The following L3MBTL4 variants were observed in gnomAD, a reference collection of about 807,000 sequenced individuals.
L3MBTL4 encodes the protein L3MBTL histone methyl-lysine binding protein 4, also known as lethal(3)malignant brain tumor-like protein 4.
A neutral mutation model predicts 84.5 loss-of-function variants in L3MBTL4; 70 were observed. The observed-to-expected ratio is 0.83, with a 90% CI of 0.68 to 1.01. L3MBTL4 has a LOEUF of 1.01. Among genes scored for constraint, L3MBTL4 ranks in the 50% least tolerant of loss-of-function variants. L3MBTL4 has a pLI of 0.00. For synonymous variants in L3MBTL4, 274 were observed against 259.8 expected (o/e 1.05, Z -0.52); for missense variants, 715 against 754.8 (o/e 0.95, Z 0.62).
chr18:6,340,585 G>T (rs954299161), intron 1 of L3MBTL4, among the ~76,000 whole-genome samples: 1 of 152,114 alleles, frequency 6.6e-6, no homozygotes, highest in African/African-American at 2.4e-5. Flanking sequence ...TGGCAAAGGG[G>T]CAGGGGCTCA....
At chr18:6,075,494 C>T (rs1043875797) in intron 16 of L3MBTL4, among the ~76,000 whole-genome samples, 8 of 152,084 alleles carry the variant, frequency 5.3e-5, no homozygotes, top group African/African-American at 1.9e-4. Flanking sequence ...AAAAGTAAAT[C>T]TTCGCCTCTA....
chr18:6,071,797 GAAAGA>G (rs2057652768), intron 16 of L3MBTL4, among the ~76,000 whole-genome samples: 1 of 137,796 alleles, frequency 7.3e-6, no homozygotes, highest in African/African-American at 2.8e-5. Flanking sequence ...AAGAAAGAAA[GAAAGA>G]AAAAGAAAGA....
chr18:6,215,706 A>G (rs773886296), intron 11 of L3MBTL4, 44 bp downstream of exon 11: 10 of 1,143,350 alleles, frequency 8.7e-6, no homozygotes, highest in Non-Finnish European at 1.3e-5. Flanking sequence ...GACTCAATAC[A>G]AACGTTGTTT....
intron 1 of L3MBTL4, among the ~76,000 whole-genome samples, chr18:6,360,872 G>C (rs977418854): frequency 1.3e-5 from 2 of 151,116 alleles, no homozygotes; most frequent in African/African-American, 4.9e-5. Context: ...AATTAGCTGG[G>C]CATGGTAGCA....
At chr18:6,360,026 T>C (rs769625649) in intron 1 of L3MBTL4, among the ~76,000 whole-genome samples, 3 of 152,162 alleles carry the variant, frequency 2.0e-5, no homozygotes, top group African/African-American at 4.8e-5. Flanking sequence ...AATTCTCTGT[T>C]TCATGAATAC....
At chr18:6,340,811 CAT>C (rs1337160104) in intron 1 of L3MBTL4, among the ~76,000 whole-genome samples, 1 of 152,200 alleles carries the variant, frequency 6.6e-6, no homozygotes, top group Non-Finnish European at 1.5e-5. Flanking sequence ...CAATGATGCA[CAT>C]GAGCCCCCTA....
intron 4 of L3MBTL4, among the ~76,000 whole-genome samples, chr18:6,265,811 A>G (rs539771933): frequency 4.9e-4 from 75 of 152,356 alleles, no homozygotes; most frequent in African/African-American, 1.6e-3. Flanking sequence ...CAGAGGCTGG[A>G]TGACAAAGGA....
intron 16 of L3MBTL4, among the ~76,000 whole-genome samples, chr18:6,008,676 G>C (rs939564337): frequency 6.6e-6 from 1 of 152,116 alleles, no homozygotes; most frequent in Non-Finnish European, 1.5e-5. Flanking sequence ...CCCTCATTGG[G>C]GATTAGGGCT....
intron 10 of L3MBTL4, among the ~76,000 whole-genome samples, chr18:6,229,210 A>G (rs1012160873): frequency 6.6e-6 from 1 of 152,224 alleles, no homozygotes; most frequent in Non-Finnish European, 1.5e-5. Flanking sequence ...ATAAACATCA[A>G]AAGTAACAGG....
At chr18:6,269,865 C>A (rs921138162) in intron 4 of L3MBTL4, among the ~76,000 whole-genome samples, 4 of 152,194 alleles carry the variant, frequency 2.6e-5, no homozygotes, top group Admixed American at 1.3e-4. Context: ...TAGGAAACTG[C>A]ACAGTACTTA....
At position 6,371,999 on chromosome 18, in the gene L3MBTL4, T is replaced by C. The variant is rs554936452; in HGVS notation, c.-91+42802A>G. 3.3e-5 allele frequency among the ~76,000 whole-genome samples: 5 copies of C among 152,326 alleles called. No homozygotes were observed. The South Asian group carries it at 1.0e-3, about 32-fold the overall frequency. ...TCAGAACTGTTGGGAGAGACAGTGC[T>C]CCTGGGCCCTTGGGCCCCTACACAT... On this transcript the variant is annotated intron_variant, in intron 1 of 18. Transcript: ENST00000317931.
intron 16 of L3MBTL4, among the ~76,000 whole-genome samples, chr18:6,059,399 A>G (rs983033577): frequency 6.6e-6 from 1 of 152,186 alleles, no homozygotes; most frequent in African/African-American, 2.4e-5. Flanking sequence ...TTTTCTTCAC[A>G]TTTACAATTT....
intron 1 of L3MBTL4, among the ~76,000 whole-genome samples, chr18:6,400,977 T>G (rs1349205647): frequency 6.6e-6 from 1 of 152,166 alleles, no homozygotes; most frequent in Non-Finnish European, 1.5e-5. Context: ...GTGTCCTCAA[T>G]GTACACTCCT....
chr18:6,008,208 C>A (rs9967429), intron 16 of L3MBTL4, among the ~76,000 whole-genome samples: 83,204 of 151,872 alleles, frequency 0.55, 24,560 homozygotes, highest in Non-Finnish European at 0.69. Context: ...ACCTCCTCCC[C>A]AGCACACTGA....
chr18:6,329,875 A>G (rs2051933672), intron 1 of L3MBTL4, among the ~76,000 whole-genome samples: 2 of 152,312 alleles, frequency 1.3e-5, no homozygotes, highest in South Asian at 4.1e-4. Context: ...TTAAGTTTCG[A>G]CAGGAGTTTT....
intron 18 of L3MBTL4, among the ~76,000 whole-genome samples, chr18:5,958,642 G>A (rs1599562707): frequency 6.6e-6 from 1 of 152,270 alleles, no homozygotes; most frequent in African/African-American, 2.4e-5. Context: ...GGGCAAAGTT[G>A]GGATTTCTGG....
chr18:6,102,502 T>C (rs1002229526), intron 14 of L3MBTL4, among the ~76,000 whole-genome samples: 2 of 152,220 alleles, frequency 1.3e-5, no homozygotes, highest in Non-Finnish European at 2.9e-5. Context: ...CTTTCTCACA[T>C]TCTGACTCCT....
chr18:6,188,088 C>A (rs1213105387), intron 12 of L3MBTL4, among the ~76,000 whole-genome samples: 7 of 151,860 alleles, frequency 4.6e-5, no homozygotes, highest in African/African-American at 1.7e-4. Context: ...TATTTCAAGT[C>A]TATCCATTAA....
At chr18:6,008,662 A>G (rs2054595997) in intron 16 of L3MBTL4, among the ~76,000 whole-genome samples, 1 of 152,156 alleles carries the variant, frequency 6.6e-6, no homozygotes, top group Non-Finnish European at 1.5e-5. Context: ...CCCACTTCCT[A>G]CTACCCTCAT....
Sources: gnomAD v4.1 joint callset for allele counts (sites outside exome capture counted in the v4.1 genomes callset) on GRCh38, gnomAD v4.1.1 for gene constraint, MANE v1.5 for transcripts, NCBI Gene and HGNC (gene_info 2026-07-23, HGNC 2026-07-21) for gene names.